The following SPATS2 variants were observed in gnomAD, a reference collection of about 807,000 sequenced individuals.
The protein encoded by SPATS2 is spermatogenesis-associated serine-rich protein 2.
In SPATS2, 38 loss-of-function variants were observed where a neutral mutation model predicts 63.7. The observed-to-expected ratio is 0.60, with a 90% confidence interval of 0.46 to 0.78. The LOEUF is 0.78. SPATS2 is among the 30% of genes least tolerant of loss of function. The pLI is 0.00. For missense variants in SPATS2, 588 were observed against 666.2 expected, an observed-to-expected ratio of 0.88 and a Z score of 1.29; for synonymous variants, 207 against 232.9, an observed-to-expected ratio of 0.89 and a Z score of 1.01.
intron 4 of SPATS2, among the ~76,000 whole-genome samples, chr12:49,486,784 AAAAAAAAAG>A (rs918505264): frequency 1.3e-5 from 2 of 151,796 alleles, no homozygotes; most frequent in Middle Eastern, 3.2e-3. Flanking sequence ...CCGTCAAAAA[AAAAAAAAAG>A]AAAAAAAAGA....
rs185930800 is a variant in SPATS2, at chr12:49,504,208, T to C, written c.839+4003T>C. Among the ~76,000 whole-genome samples, 21 of 152,336 alleles carry C rather than the reference T, an allele frequency of 1.4e-4. No homozygotes were observed. The East Asian group carries it at 3.9e-3, about 28-fold the overall frequency. Reference sequence around the variant, plus strand: ...TGCCCCAGTAAAAGTACATTACCCCTGACAAGGCACTAGGGAAATTATACA... The same window carrying C: ...TGCCCCAGTAAAAGTACATTACCCCCGACAAGGCACTAGGGAAATTATACA... On this transcript the variant is annotated intron_variant, in intron 9 of 13. Coordinates refer to ENST00000552918, the MANE Select transcript of SPATS2 (RefSeq NM_023071.4).
At chr12:49,447,816 A>G (rs1945542471) in intron 2 of SPATS2, among the ~76,000 whole-genome samples, 2 of 151,982 alleles carry the variant, frequency 1.3e-5, no homozygotes, top group Admixed American at 1.3e-4. Flanking sequence ...GTCTGTAATG[A>G]TGTTCTTTGT....
intron 7 of SPATS2, among the ~76,000 whole-genome samples, chr12:49,496,325 C>G (rs900820009): frequency 1.3e-5 from 2 of 152,216 alleles, no homozygotes; most frequent in Non-Finnish European, 2.9e-5. Flanking sequence ...GTTGCCCAAG[C>G]TGGTCTTAAA....
intron 2 of SPATS2, among the ~76,000 whole-genome samples, chr12:49,437,261 T>G (rs2137529060): frequency 6.8e-6 from 1 of 146,550 alleles, no homozygotes; most frequent in South Asian, 2.2e-4. Context: ...TCCCCACATC[T>G]CAGACGATGG....
At chr12:49,499,414 G>GTT (rs1946525798) in intron 8 of SPATS2, among the ~76,000 whole-genome samples, 1 of 150,236 alleles carries the variant, frequency 6.7e-6, no homozygotes, top group South Asian at 2.1e-4. Flanking sequence ...GTTTTGTTTT[G>GTT]TTTTGTTTTG....
chr12:49,499,916 C>A (rs943062512), intron 8 of SPATS2, among the ~76,000 whole-genome samples, 154 bp from the exon 9 acceptor site: 1 of 151,902 alleles, frequency 6.6e-6, no homozygotes, highest in African/African-American at 2.4e-5. Flanking sequence ...TTCCAAAAAT[C>A]TATAAAAACA....
intron 2 of SPATS2, among the ~76,000 whole-genome samples, chr12:49,425,855 A>T (rs1193890505): frequency 1.3e-5 from 2 of 151,414 alleles, no homozygotes; most frequent in African/African-American, 4.9e-5. Flanking sequence ...CTGGTCTCGA[A>T]CTCCTGACCT....
chr12:49,473,063 A>AT (rs1182822923), intron 3 of SPATS2, among the ~76,000 whole-genome samples: 1 of 151,302 alleles, frequency 6.6e-6, no homozygotes. Flanking sequence ...AAAAAAAAAA[A>AT]AGACAACAAC....
intron 2 of SPATS2, among the ~76,000 whole-genome samples, chr12:49,401,771 C>T (rs916711382): frequency 1.3e-5 from 2 of 152,140 alleles, no homozygotes; most frequent in Non-Finnish European, 2.9e-5. Context: ...GATCTCAGCT[C>T]ACTGCAACCT....
At chr12:49,428,272 A>C (rs776950390) in intron 2 of SPATS2, among the ~76,000 whole-genome samples, 4 of 147,688 alleles carry the variant, frequency 2.7e-5, no homozygotes, top group African/African-American at 1.0e-4. Flanking sequence ...AAACAAACAA[A>C]CAAAAAAAAA....
chr12:49,505,083 G>A (rs1001042177), intron 9 of SPATS2, among the ~76,000 whole-genome samples: 12 of 151,138 alleles, frequency 7.9e-5, no homozygotes, highest in African/African-American at 2.7e-4. Flanking sequence ...TTTTTTTAAC[G>A]TTAAATCAAG....
intron 9 of SPATS2, among the ~76,000 whole-genome samples, chr12:49,507,467 T>G (rs557887694): frequency 5.3e-5 from 8 of 152,304 alleles, no homozygotes; most frequent in East Asian, 1.9e-4. Context: ...TGAGGTATAA[T>G]GAGAGCATTT....
chr12:49,525,827 T>G (rs1947023341), intron 13 of SPATS2, 117 bp from the exon 14 acceptor site: 3 of 1,122,078 alleles, frequency 2.7e-6, no homozygotes, highest in African/African-American at 1.6e-5. Flanking sequence ...TCTTGAGAGA[T>G]AACTGAGTCC....
At chr12:49,388,549 A>AT (rs1565697461) in intron 2 of SPATS2, among the ~76,000 whole-genome samples, 2 of 150,908 alleles carry the variant, frequency 1.3e-5, no homozygotes, top group African/African-American at 2.4e-5. Flanking sequence ...AATTTTTTTT[A>AT]TTTTTTTATA....
intron 2 of SPATS2, among the ~76,000 whole-genome samples, chr12:49,459,063 G>A (rs1417152873): frequency 1.3e-5 from 2 of 152,266 alleles, no homozygotes; most frequent in Middle Eastern, 3.4e-3. Flanking sequence ...GTCACAATAA[G>A]CGAATAGAAT....
intron 2 of SPATS2, among the ~76,000 whole-genome samples, chr12:49,440,921 T>A (rs1416380186): frequency 7.9e-5 from 12 of 152,248 alleles, no homozygotes; most frequent in Non-Finnish European, 1.5e-5. Flanking sequence ...AGCCACATGA[T>A]GTTCATTTGC....
At chr12:49,507,023 G>T (rs1946665375) in intron 9 of SPATS2, among the ~76,000 whole-genome samples, 1 of 152,128 alleles carries the variant, frequency 6.6e-6, no homozygotes, top group Non-Finnish European at 1.5e-5. Flanking sequence ...AGAAGCACCA[G>T]GATTTAGGCT....
chr12:49,376,009 CA>C (rs1327696138), intron 2 of SPATS2, among the ~76,000 whole-genome samples: 2 of 150,268 alleles, frequency 1.3e-5, no homozygotes, highest in Non-Finnish European at 1.5e-5. Flanking sequence ...AGGCTGGTCT[CA>C]AACACCTGGC....
chr12:49,497,076 A>T, intron 8 of SPATS2, 67 bp downstream of exon 8: 1 of 1,429,970 alleles, frequency 7.0e-7, no homozygotes, highest in Non-Finnish European at 9.4e-7. Context: ...AGGGCAAATT[A>T]TCTCTGTTGC....
Sources: allele counts gnomAD v4.1 joint callset (sites outside exome capture counted in the v4.1 genomes callset), GRCh38; gene constraint gnomAD v4.1.1; transcripts MANE v1.5; gene names NCBI Gene and HGNC (gene_info 2026-07-23, HGNC 2026-07-21).